The following DNM3 variants were observed in gnomAD, a reference collection of about 807,000 sequenced individuals.
DNM3 encodes the protein dynamin-3.
Under a neutral mutation model 101.6 loss-of-function variants are expected in DNM3, and 47 were observed. The ratio of observed to expected loss-of-function variants is 0.46; its 90% CI spans 0.37 to 0.59. The LOEUF (loss-of-function observed/expected upper bound fraction) is 0.59. Among genes scored for constraint, DNM3 ranks in the 20% least tolerant of loss-of-function variants. The probability of loss-of-function intolerance (pLI) is 0.00; values close to 1 mark genes in which losing one functional copy is unlikely to be tolerated. For missense variants in DNM3, 849 were observed against 1,085.7 expected (o/e 0.78, Z 3.06); for synonymous variants, 385 against 387.9 (o/e 0.99, Z 0.09).
chr1:172,222,787 A>G (rs2060955968), intron 14 of DNM3, among the ~76,000 whole-genome samples: 1 of 152,148 alleles, frequency 6.6e-6, no homozygotes, highest in African/African-American at 2.4e-5. Context: ...ATTCAAACAT[A>G]TGATGAAGGG....
intron 2 of DNM3, among the ~76,000 whole-genome samples, chr1:171,929,606 G>A (rs944901732): frequency 7.9e-5 from 12 of 151,210 alleles, no homozygotes; most frequent in African/African-American, 1.5e-4. Context: ...CTGGGGGACC[G>A]CTTCCACCCC....
chr1:171,938,376 G>T (rs987620303), intron 2 of DNM3, among the ~76,000 whole-genome samples: 1 of 152,132 alleles, frequency 6.6e-6, no homozygotes, highest in Non-Finnish European at 1.5e-5. Context: ...TTGTCCCTCG[G>T]AGCTTGGCAT....
chr1:171,858,814 C>T (rs1430217463), intron 1 of DNM3, among the ~76,000 whole-genome samples: 5 of 152,174 alleles, frequency 3.3e-5, no homozygotes, highest in Non-Finnish European at 7.4e-5. Flanking sequence ...CCCAAGGTCA[C>T]CAACGATCTC....
At chr1:171,881,401 G>A (rs926176178) in intron 1 of DNM3, among the ~76,000 whole-genome samples, 1 of 152,126 alleles carries the variant, frequency 6.6e-6, no homozygotes, top group Non-Finnish European at 1.5e-5. Flanking sequence ...GGCAATGTAT[G>A]ATGCTATTTA....
chr1:172,055,973 C>A (rs1478853157), intron 10 of DNM3, among the ~76,000 whole-genome samples: 1 of 152,280 alleles, frequency 6.6e-6, no homozygotes, highest in East Asian at 1.9e-4. Flanking sequence ...GGGCGCAGGT[C>A]AGTGGGTGCG....
chr1:172,062,359 A>T (rs1025402220), intron 10 of DNM3, among the ~76,000 whole-genome samples: 8 of 151,982 alleles, frequency 5.3e-5, no homozygotes, highest in African/African-American at 1.9e-4. Flanking sequence ...ACTCTGCGGC[A>T]CCCAAGTTTT....
At chr1:172,292,632 C>T (rs932013916) in intron 15 of DNM3, among the ~76,000 whole-genome samples, 7 of 151,238 alleles carry the variant, frequency 4.6e-5, no homozygotes, top group Admixed American at 1.3e-4. Context: ...CACGCGCGTG[C>T]GTATATTCCT....
At chr1:172,276,576 T>TGTGTGG (rs1340243321) in intron 15 of DNM3, among the ~76,000 whole-genome samples, 1 of 151,660 alleles carries the variant, frequency 6.6e-6, no homozygotes, top group Non-Finnish European at 1.5e-5. Flanking sequence ...TGTGTGTGTG[T>TGTGTGG]GTGTGTGTGT....
chr1:171,885,351 C>A (rs1034517788), intron 1 of DNM3, among the ~76,000 whole-genome samples: 1 of 152,090 alleles, frequency 6.6e-6, no homozygotes, highest in African/African-American at 2.4e-5. Context: ...TCAAAACATA[C>A]ATACTTATGT....
chr1:172,272,120 A>G (rs1043067721), intron 15 of DNM3, among the ~76,000 whole-genome samples: 3 of 152,104 alleles, frequency 2.0e-5, no homozygotes, highest in Admixed American at 1.3e-4. Context: ...ACGGAATCCC[A>G]TGAAAAACAG....
chr1:172,396,637 T>A (rs1047788055), intron 20 of DNM3, among the ~76,000 whole-genome samples: 1 of 152,210 alleles, frequency 6.6e-6, no homozygotes, highest in Non-Finnish European at 1.5e-5. Flanking sequence ...GAAGGCATTA[T>A]GCTGCTTTAA....
chr1:172,120,830 C>T (rs1487758840), intron 13 of DNM3, among the ~76,000 whole-genome samples: 1 of 152,148 alleles, frequency 6.6e-6, no homozygotes, highest in African/African-American at 2.4e-5. Context: ...CTATAAGCTC[C>T]ATGGAGGTTG....
chr1:171,929,326 G>T (rs1473046723), intron 2 of DNM3, among the ~76,000 whole-genome samples: 2 of 152,118 alleles, frequency 1.3e-5, no homozygotes, highest in Non-Finnish European at 2.9e-5. Context: ...TGCACCTGGT[G>T]GTGAGGAACA....
chr1:171,868,107 T>C (rs1336395554), intron 1 of DNM3, among the ~76,000 whole-genome samples: 1 of 152,214 alleles, frequency 6.6e-6, no homozygotes, highest in East Asian at 1.9e-4. Context: ...TTATGGATCT[T>C]CCTTCAGCTC....
intron 20 of DNM3, among the ~76,000 whole-genome samples, chr1:172,406,685 CA>C (rs1261116721): frequency 6.6e-6 from 1 of 151,408 alleles, no homozygotes; most frequent in Non-Finnish European, 1.5e-5. Flanking sequence ...CTATTTTTTT[CA>C]AAACTATTTT....
chr1:171,909,336 G>C (rs1451546193), intron 1 of DNM3, among the ~76,000 whole-genome samples: 1 of 151,988 alleles, frequency 6.6e-6, no homozygotes, highest in Non-Finnish European at 1.5e-5. Flanking sequence ...GGGAGGCTGA[G>C]GTGGGAGAAT....
At chr1:172,025,303 C>A (rs1171027414) in intron 4 of DNM3, among the ~76,000 whole-genome samples, 4 of 152,204 alleles carry the variant, frequency 2.6e-5, no homozygotes, top group Non-Finnish European at 5.9e-5. Flanking sequence ...CAGCCCCAGT[C>A]AGGGCCTTAT....
At chr1:171,855,459 T>C (rs1023153390) in intron 1 of DNM3, among the ~76,000 whole-genome samples, 7 of 152,186 alleles carry the variant, frequency 4.6e-5, no homozygotes, top group Non-Finnish European at 1.0e-4. Flanking sequence ...ACCATACTCC[T>C]TTCCGCAATG....
chr1:172,208,247 A>G (rs989966232), intron 14 of DNM3, among the ~76,000 whole-genome samples: 10 of 152,096 alleles, frequency 6.6e-5, no homozygotes, highest in African/African-American at 2.4e-4. Context: ...TTTAAATGTA[A>G]GGATCTACTT....
Sources: gnomAD v4.1 joint callset for allele counts (sites outside exome capture counted in the v4.1 genomes callset) on GRCh38, gnomAD v4.1.1 for gene constraint, MANE v1.5 for transcripts, NCBI Gene and HGNC (gene_info 2026-07-23, HGNC 2026-07-21) for gene names.